AOAH: variants seen among roughly 807,000 people sequenced by gnomAD.
AOAH encodes the protein acyloxyacyl hydrolase (neutrophil).
In AOAH, 64 loss-of-function variants were observed where a neutral mutation model predicts 92.2. The ratio of observed to expected loss-of-function variants is 0.69; its 90% CI spans 0.57 to 0.86. AOAH has a LOEUF of 0.86. Ranked by LOEUF, AOAH falls within the 40% of genes least tolerant of loss-of-function variation. The pLI is 0.00. For synonymous variants in AOAH, 263 were observed against 254.5 expected, an observed-to-expected ratio of 1.03 and a Z score of -0.32; for missense variants, 656 against 694.6, an observed-to-expected ratio of 0.94 and a Z score of 0.62.
rs759056561 is a variant in AOAH at position 36,540,450 on chromosome 7, A to T, written c.1175T>A (p.Leu392His). ...PVPAMTTPEK[L>H]YSNVMQTLKH... ...CAGAGTCTGCATGACGTTGGAGTAG[A>T]GTTTCTCAGGAGTGGTCATGGCTGG... Residue 392 changes from leucine (L) to histidine (H), a missense_variant, in exon 16 of 21, where the codon CTC (leucine) becomes CAC (histidine). Transcript: ENST00000617537. 1.9e-6 allele frequency: 3 copies of T among 1,613,980 alleles called. No individual in the cohort carries two copies. Among genetic ancestry groups the T allele is most frequent in the Middle Eastern group, 1.7e-4 (1 of 6,060 alleles).
intron 20 of AOAH, among the ~76,000 whole-genome samples, chr7:36,518,291 C>T (rs1783931721): frequency 6.6e-6 from 1 of 151,952 alleles, no homozygotes; most frequent in Admixed American, 6.6e-5. Flanking sequence ...CTCACTGCAA[C>T]CTCTGCCTCC....
rs369946243 is a variant in AOAH at position 36,561,294 on chromosome 7, C to T, written c.1022-11819G>A. On this transcript the variant is annotated intron_variant, in intron 13 of 20. Coordinates refer to ENST00000617537, the MANE Select transcript of AOAH (RefSeq NM_001637.4). ...TAACCTCAGGTAATCCACCTGCCTT[C>T]GCCTCCCAAAGTGCTGGGATTACAG... Among the ~76,000 whole-genome samples, 25 of 152,158 alleles carry T rather than the reference C, an allele frequency of 1.6e-4. No homozygotes were observed. The East Asian group carries it at 3.3e-3, about 20-fold the overall frequency.
At chr7:36,518,151 T>C (rs1271762426) in intron 20 of AOAH, among the ~76,000 whole-genome samples, 1 of 152,056 alleles carries the variant, frequency 6.6e-6, no homozygotes, top group East Asian at 1.9e-4. Flanking sequence ...TTGCTGTACA[T>C]TATAAACATA....
chr7:36,620,054 CCAGAAATGAGA>C (rs141235424), intron 9 of AOAH, among the ~76,000 whole-genome samples: 2,827 of 151,948 alleles, frequency 0.019, 44 homozygotes, highest in African/African-American at 0.047. Flanking sequence ...TTCTGGTAAA[CCAGAAATGAGA>C]TCTCAAAAGA....
intron 16 of AOAH, among the ~76,000 whole-genome samples, chr7:36,537,003 C>G (rs1417552875): frequency 1.5e-4 from 22 of 151,332 alleles, no homozygotes; most frequent in Admixed American, 1.4e-3. Flanking sequence ...ATGCAGCCCC[C>G]TCTTGAAGTC....
intron 13 of AOAH, among the ~76,000 whole-genome samples, chr7:36,563,785 T>C (rs1255104150): frequency 6.6e-6 from 1 of 152,202 alleles, no homozygotes; most frequent in Non-Finnish European, 1.5e-5. Context: ...GTACAATCCA[T>C]TAAAAAAATC....
intron 2 of AOAH, among the ~76,000 whole-genome samples, chr7:36,685,856 T>A (rs1456662129): frequency 1.3e-5 from 2 of 152,224 alleles, no homozygotes; most frequent in Non-Finnish European, 2.9e-5. Context: ...CTAAACATTT[T>A]AGCCTGTGAA....
At chr7:36,677,623 T>C (rs1316951793) in intron 2 of AOAH, among the ~76,000 whole-genome samples, 1 of 152,210 alleles carries the variant, frequency 6.6e-6, no homozygotes, top group Non-Finnish European at 1.5e-5. Flanking sequence ...TATATATATA[T>C]AAACATATGT....
Position 36,553,058 on chromosome 7 carries a change from C to T in AOAH, c.1022-3583G>A, listed in dbSNP as rs186762280. Among the ~76,000 whole-genome samples the T allele has an allele frequency of 2.6e-3, 397 of 150,758 alleles. 13 individuals carry two copies. In the East Asian group the frequency reaches 0.069, roughly 26 times the overall value. On this transcript the variant is annotated intron_variant, in intron 13 of 20. Coordinates refer to ENST00000617537, the MANE Select transcript of AOAH (RefSeq NM_001637.4). ...TATGTATACATCTGCCATGCTGGTG[C>T]GCTGCACCCACTAACTCGTTATCTA...
chr7:36,704,283 T>G (rs56117606), intron 1 of AOAH, among the ~76,000 whole-genome samples: 15,737 of 152,164 alleles, frequency 0.1, 992 homozygotes, highest in East Asian at 0.2. Context: ...TTGCAAAAAT[T>G]TTCTCCCATT....
intron 16 of AOAH, among the ~76,000 whole-genome samples, chr7:36,536,658 C>CA (rs1785076963): frequency 6.6e-6 from 1 of 152,060 alleles, no homozygotes; most frequent in South Asian, 2.1e-4. Context: ...TTAAGAATCA[C>CA]GCCTTCTCAG....
chr7:36,521,930 C>A, intron 20 of AOAH, 109 bp downstream of exon 20: 1 of 955,088 alleles, frequency 1.0e-6, no homozygotes, highest in Admixed American at 2.0e-5. Flanking sequence ...TACCTCAAAT[C>A]CTTTCTGGAA....
chr7:36,696,608 T>A (rs766612684), intron 1 of AOAH, among the ~76,000 whole-genome samples: 4 of 152,180 alleles, frequency 2.6e-5, no homozygotes, highest in Non-Finnish European at 4.4e-5. Flanking sequence ...ACGCCTGCAA[T>A]CCCAGCACTT....
chr7:36,700,761 G>A (rs1797982921), intron 1 of AOAH, among the ~76,000 whole-genome samples: 1 of 151,998 alleles, frequency 6.6e-6, no homozygotes, highest in South Asian at 2.1e-4. Context: ...AATCTTCACT[G>A]TGTTTTCCAC....
At chr7:36,515,543 CCCA>C (rs1300516830) in intron 20 of AOAH, among the ~76,000 whole-genome samples, 1 of 135,578 alleles carries the variant, frequency 7.4e-6, no homozygotes, top group Non-Finnish European at 1.6e-5. Context: ...CCTTCACAAC[CCCA>C]CGCCACACAC....
rs368245898 is a variant in AOAH, at chr7:36,532,138, C to G, written c.1425+9G>C. The G allele has an allele frequency of 6.2e-7, 1 of 1,614,010 alleles. No individual in the cohort carries two copies. The highest frequency in any genetic ancestry group is 1.3e-5 in the African/African-American group (1 of 74,940). ...AAAGATGGTATCAAAAGGCCTGTGA[C>G]AGTCATACCTCTGAAGTGAGAGTCC... On this transcript the variant is annotated intron_variant, in intron 18 of 20. Coordinates refer to ENST00000617537, the MANE Select transcript of AOAH (RefSeq NM_001637.4).
intron 1 of AOAH, among the ~76,000 whole-genome samples, chr7:36,721,726 GT>G (rs2117048284): frequency 6.6e-6 from 1 of 152,312 alleles, no homozygotes; most frequent in South Asian, 2.1e-4. Context: ...GGCAACCAAA[GT>G]GAACCTCTGT....
chr7:36,602,387 A>C (rs920212459), intron 11 of AOAH, among the ~76,000 whole-genome samples: 2 of 152,010 alleles, frequency 1.3e-5, no homozygotes, highest in South Asian at 4.1e-4. Flanking sequence ...GCCGCATACC[A>C]AATGAGAACG....
Position 36,620,841 on chromosome 7 carries a change from A to T in AOAH, c.654-12T>A. ...CCCAGTTGTTCGGCCTAAGAAAAAA[A>T]CATTAACATTGGTCTTTGACATATG... On this transcript the variant is annotated splice_polypyrimidine_tract_variant and intron_variant, in intron 8 of 20. Transcript: ENST00000617537. 6.2e-7 allele frequency: 1 copy of T among 1,613,640 alleles called. No homozygotes were observed. Among genetic ancestry groups the T allele is most frequent in the East Asian group, 2.2e-5 (1 of 44,876 alleles).
Sources: gnomAD v4.1 joint callset for allele counts (sites outside exome capture counted in the v4.1 genomes callset) on GRCh38, gnomAD v4.1.1 for gene constraint, MANE v1.5 for transcripts, NCBI Gene and HGNC (gene_info 2026-07-23, HGNC 2026-07-21) for gene names.